CKAP2: variants seen among roughly 807,000 people sequenced by gnomAD.
CKAP2 encodes the protein cytoskeleton associated protein 2.
CKAP2 carries 46 observed loss-of-function variants against 58.4 expected under a neutral mutation model. The ratio of observed to expected loss-of-function variants is 0.79; its 90% CI spans 0.62 to 1.01. The LOEUF (loss-of-function observed/expected upper bound fraction) is 1.01. CKAP2 is among the 50% of genes least tolerant of loss of function. The probability of loss-of-function intolerance (pLI) is 0.00; values close to 1 mark genes in which losing one functional copy is unlikely to be tolerated. For synonymous variants in CKAP2, 293 were observed against 280.9 expected, an observed-to-expected ratio of 1.04 and a Z score of -0.43; for missense variants, 809 against 796.4, an observed-to-expected ratio of 1.02 and a Z score of -0.19.
chr13:52,468,279 C>G lies in CKAP2; in HGVS notation c.1478C>G (p.Pro493Arg), dbSNP rs1206532163. The part of the protein sequence containing the change: ...YEKAILAGAQ[P>R]IEEMRHTIVD... Reference sequence around the variant, plus strand: ...GCTTTCTTCATTAAAAAAATTAAGCCTATTGAAGAGATGCGACACACGATT... The same window carrying G: ...GCTTTCTTCATTAAAAAAATTAAGCGTATTGAAGAGATGCGACACACGATT... Residue 493 changes from proline to arginine, a missense_variant and splice_region_variant, in exon 7 of 9, where the codon CCT becomes CGT. Physicochemically the swap from Pro to Arg is moderately radical, Grantham distance 103 (BLOSUM62 -2). Coordinates refer to ENST00000258607, the MANE Select transcript of CKAP2 (RefSeq NM_018204.5). 2.5e-6 allele frequency: 4 copies of G among 1,578,068 alleles called. No homozygotes were observed. Among genetic ancestry groups the G allele is most frequent in the Non-Finnish European group, 3.5e-6 (4 of 1,159,314 alleles).
intron 4 of CKAP2, 149 bp from the exon 5 acceptor site, chr13:52,462,214 G>A (rs9536084): frequency 2.4e-5 from 16 of 670,964 alleles, no homozygotes; most frequent in East Asian, 8.5e-5. Context: ...CATAATTGAC[G>A]TTGATATGTT....
intron 2 of CKAP2, among the ~76,000 whole-genome samples, chr13:52,457,681 C>T (rs1378924442): frequency 3.3e-5 from 5 of 152,044 alleles, no homozygotes; most frequent in East Asian, 3.9e-4. Context: ...AGTGAAACCC[C>T]GTCTCTACTA....
At chr13:52,459,283 C>T (rs984239035) in intron 2 of CKAP2, among the ~76,000 whole-genome samples, 2 of 152,110 alleles carry the variant, frequency 1.3e-5, no homozygotes, top group Admixed American at 1.3e-4. Context: ...TTATTAACTA[C>T]TAAATTATGT....
At chr13:52,465,495 T>C (rs374856873) in intron 6 of CKAP2, 30 bp downstream of exon 6, 2 of 1,577,592 alleles carry the variant, frequency 1.3e-6, no homozygotes, top group Non-Finnish European at 1.7e-6. Flanking sequence ...ATCTTTACAA[T>C]TACAGTGTAG....
chr13:52,456,070 C>A (rs369067226), intron 1 of CKAP2: 1 of 1,022,714 alleles, frequency 9.8e-7, no homozygotes, highest in Non-Finnish European at 1.2e-6. Flanking sequence ...GCTTCTCCTT[C>A]GACTTTATGG....
Position 52,462,441 on chromosome 13 carries a change from G to T in CKAP2, c.1179G>T (p.Glu393Asp). The change falls in exon 5 of 9, where the codon GAG becomes GAT. Residue 393 changes from glutamate to aspartate, a missense_variant. Glu to Asp is a conservative substitution (Grantham distance 45, BLOSUM62 2). Transcript: ENST00000258607. ...CTAATTCAGTAGTTACTCAGCATGA[G>T]CCTGCAGGACAAAATGAAAAACCAG... ...RPPNSVVTQHEPAGQNEKPVG... is the reference protein window; with the variant it reads ...RPPNSVVTQHDPAGQNEKPVG... 1 of 1,614,100 alleles carries T rather than the reference G, an allele frequency of 6.2e-7. No homozygotes were observed. The highest frequency in any genetic ancestry group is 8.5e-7 in the Non-Finnish European group (1 of 1,179,996).
Position 52,461,522 on chromosome 13 carries a change from C to T in CKAP2, c.696C>T (p.Ser232=). 1 of 1,614,150 alleles carries T rather than the reference C, an allele frequency of 6.2e-7. No individual in the cohort carries two copies. Among genetic ancestry groups the T allele is most frequent in the Non-Finnish European group, 8.5e-7 (1 of 1,180,026 alleles). The stretch of plus-strand genomic sequence containing the variant: ...GTGTAACAGTGAAAAGTAATAGATC[C>T]TCCAATATGACTGCCACTACTAAAT... The part of the protein sequence containing the change: ...TSSVTVKSNR[S]SNMTATTKFV... The change falls in exon 4 of 9, where the codon TCC becomes TCT. Residue 232 remains serine (S), a synonymous_variant. Transcript: ENST00000258607.
chr13:52,474,151 A>C, intron 8 of CKAP2, 67 bp downstream of exon 8: 1 of 1,442,370 alleles, frequency 6.9e-7, no homozygotes, highest in African/African-American at 1.4e-5. Flanking sequence ...GCATTTAAAA[A>C]TCTTTGAGAT....
Position 52,461,531 on chromosome 13 carries a change from G to A in CKAP2, c.705G>A (p.Met235Ile), listed in dbSNP as rs1282542579. The A allele has an allele frequency of 6.2e-7, 1 of 1,614,126 alleles. No individual in the cohort carries two copies. The highest frequency in any genetic ancestry group is 1.1e-5 in the South Asian group (1 of 91,062). ...TGAAAAGTAATAGATCCTCCAATAT[G>A]ACTGCCACTACTAAATTTGTGAGCA... ...VTVKSNRSSNMTATTKFVSTT... is the reference protein window; with the variant it reads ...VTVKSNRSSNITATTKFVSTT... Residue 235 changes from methionine to isoleucine, a missense_variant, in exon 4 of 9, where the codon ATG becomes ATA. Transcript: ENST00000258607.
chr13:52,461,688 G>C lies in CKAP2; in HGVS notation c.862G>C (p.Glu288Gln). Reference protein sequence around the residue: ...VTIRKGPHEKELLQSKTALSS... With the variant: ...VTIRKGPHEKQLLQSKTALSS... The stretch of plus-strand genomic sequence containing the variant: ...AATCCGGAAAGGGCCTCATGAAAAA[G>C]AACTATTACAATCAAAAACAGCTTT... Residue 288 changes from glutamate (E) to glutamine (Q), a missense_variant, in exon 4 of 9, where the codon GAA (glutamate) becomes CAA (glutamine). By Grantham distance (29) the Glu-to-Gln change is conservative (BLOSUM62 2). Transcript: ENST00000258607. 6.2e-7 allele frequency: 1 copy of C among 1,613,928 alleles called. No individual in the cohort carries two copies. Among genetic ancestry groups the C allele is most frequent in the Non-Finnish European group, 8.5e-7 (1 of 1,179,974 alleles).
chr13:52,474,223 C>T lies in CKAP2; in HGVS notation c.1802+139C>T, dbSNP rs370511061. 7.2e-4 allele frequency: 609 copies of T among 844,224 alleles called. 10 individuals are homozygous for T. The South Asian group carries it at 0.011, about 15-fold the overall frequency. 52.3% of individuals were successfully genotyped at this position (844,224 alleles called of 1,614,324 possible). A position where few individuals can be genotyped will look rare whatever the true frequency, so the allele number is the denominator to read the frequency against. Reference sequence around the variant, plus strand: ...ATTTCAGTACGGGCATGGTGGCTCACGCCTGTAATTTCAGCACTTTGGGAG... The same window carrying T: ...ATTTCAGTACGGGCATGGTGGCTCATGCCTGTAATTTCAGCACTTTGGGAG... On this transcript the variant is annotated intron_variant, in intron 8 of 8. Coordinates refer to ENST00000258607, the MANE Select transcript of CKAP2 (RefSeq NM_018204.5).
At chr13:52,459,413 C>T (rs934349538) in intron 2 of CKAP2, among the ~76,000 whole-genome samples, 11 of 152,204 alleles carry the variant, frequency 7.2e-5, no homozygotes, top group South Asian at 2.1e-4. Flanking sequence ...ACCTCTGCCT[C>T]GTGGGTTCAA....
rs1958460201 is a variant in CKAP2, at chr13:52,455,503, G to A, written c.-54G>A. On this transcript the variant is annotated 5_prime_UTR_variant, in exon 1 of 9. Coordinates refer to ENST00000258607, the MANE Select transcript of CKAP2 (RefSeq NM_018204.5). ...GCAGACTGCGGCGGCGGTGGTCTGA[G>A]GAAGTTCTATCTTGGCGCTAAAGCG... 6.2e-7 allele frequency: 1 copy of A among 1,606,952 alleles called. No homozygotes were observed. Among genetic ancestry groups the A allele is most frequent in the Non-Finnish European group, 8.5e-7 (1 of 1,174,560 alleles).
chr13:52,474,670 C>A (rs1958803807), intron 8 of CKAP2, among the ~76,000 whole-genome samples: 1 of 152,048 alleles, frequency 6.6e-6, no homozygotes, highest in Non-Finnish European at 1.5e-5. Context: ...AGGAATTAGC[C>A]AGTTCTACAG....
At chr13:52,456,984 C>A (rs763835425) in intron 2 of CKAP2, among the ~76,000 whole-genome samples, 1 of 152,044 alleles carries the variant, frequency 6.6e-6, no homozygotes, top group African/African-American at 2.4e-5. Flanking sequence ...CCTCCACCTT[C>A]TGGGTTCAAG....
chr13:52,456,468 C>A, intron 1 of CKAP2, 55 bp from the exon 2 acceptor site: 2 of 1,302,912 alleles, frequency 1.5e-6, no homozygotes, highest in East Asian at 2.3e-5. Context: ...GATTTATTTG[C>A]CGTTATCGAT....
chr13:52,457,577 G>T (rs1255366471), intron 2 of CKAP2, among the ~76,000 whole-genome samples: 1 of 152,186 alleles, frequency 6.6e-6, no homozygotes, highest in African/African-American at 2.4e-5. Context: ...GGCTTAGGCT[G>T]GGTGCTGTGG....
At position 52,468,059 on chromosome 13, in the gene CKAP2, C is replaced by T. The variant is rs1371324146; in HGVS notation, c.1477-219C>T. 2.6e-5 allele frequency among the ~76,000 whole-genome samples: 4 copies of T among 152,134 alleles called. No individual in the cohort carries two copies. In the South Asian group the frequency reaches 6.2e-4, roughly 24 times the overall value. On this transcript the variant is annotated intron_variant, in intron 6 of 8. Coordinates refer to ENST00000258607, the MANE Select transcript of CKAP2 (RefSeq NM_018204.5). Reference sequence around the variant, plus strand: ...TCTCCTGACCTCGTGATCTGCCCGTCTAGGCCTCCCAAAGTGCTGGGATTA... The same window carrying T: ...TCTCCTGACCTCGTGATCTGCCCGTTTAGGCCTCCCAAAGTGCTGGGATTA...
In CKAP2 at chr13:52,455,560, A is replaced by G. The variant is rs1257312171; in HGVS notation, c.4A>G (p.Ser2Gly). 6.2e-7 allele frequency: 1 copy of G among 1,612,892 alleles called. No individual in the cohort carries two copies. Among genetic ancestry groups the G allele is most frequent in the Admixed American group, 1.7e-5 (1 of 60,022 alleles). The change falls in exon 1 of 9, where the codon AGC becomes GGC. Residue 2 changes from serine (S) to glycine (G), a missense_variant. Physicochemically the swap from Ser to Gly is moderately conservative, Grantham distance 56. Transcript: ENST00000258607. Reference sequence around the variant, plus strand: ...CATCCCCCGACCCGAGGCTACGATGAGCACACCGGCCGTGCCCCAGGACCT... The same window carrying G: ...CATCCCCCGACCCGAGGCTACGATGGGCACACCGGCCGTGCCCCAGGACCT... M[S>G]TPAVPQDLQL... is the part of the protein sequence containing the mutation.
Sources: allele counts gnomAD v4.1 joint callset (sites outside exome capture counted in the v4.1 genomes callset), GRCh38; gene constraint gnomAD v4.1.1; transcripts MANE v1.5; gene names NCBI Gene and HGNC (gene_info 2026-07-23, HGNC 2026-07-21).